The following DONSON variants were observed in gnomAD, a reference collection of about 807,000 sequenced individuals.
DONSON encodes DNA replication fork stabilization factor DONSON.
A neutral mutation model predicts 62.1 loss-of-function variants in DONSON; 43 were observed. The observed-to-expected ratio is 0.69, with a 90% CI of 0.54 to 0.89. The LOEUF is 0.89. DONSON is among the 40% of genes least tolerant of loss of function. The pLI is 0.00. For missense variants in DONSON, 696 were observed against 697.5 expected, an observed-to-expected ratio of 1.00 and a Z score of 0.03; for synonymous variants, 266 against 264.6, an observed-to-expected ratio of 1.01 and a Z score of -0.05.
Position 33,579,558 on chromosome 21 carries a change from C to A in DONSON, c.1355G>T (p.Arg452Leu). 1.2e-6 allele frequency: 2 copies of A among 1,609,820 alleles called. No homozygotes were observed. Among genetic ancestry groups the A allele is most frequent in the Non-Finnish European group, 8.5e-7 (1 of 1,177,344 alleles). The change falls in exon 9 of 10, where the codon CGG becomes CTG. Residue 452 changes from arginine to leucine, a missense_variant. Physicochemically the swap from Arg to Leu is moderately radical, Grantham distance 102 (BLOSUM62 -2). Coordinates refer to ENST00000303071, the MANE Select transcript of DONSON (RefSeq NM_017613.4). ...RGATMQMLKA[R>L]SVNVKTQALS... The stretch of plus-strand genomic sequence containing the variant: ...AGCTTGTGTCTTCACATTCACACTC[C>A]GTGCCTTCATGAAAATGTAAAGAAA...
intron 9 of DONSON, among the ~76,000 whole-genome samples, chr21:33,579,011 GC>G (rs1330108661): frequency 6.6e-6 from 1 of 152,066 alleles, no homozygotes; most frequent in East Asian, 1.9e-4. Flanking sequence ...GGTGGCACAT[GC>G]CTGTAATCTC....
chr21:33,582,339 T>C, intron 5 of DONSON, 93 bp from the exon 6 acceptor site: 1 of 1,002,460 alleles, frequency 1.0e-6, no homozygotes, highest in Non-Finnish European at 1.5e-6. Flanking sequence ...GAAATGTTAG[T>C]TTTTACAAAT....
chr21:33,585,007 C>T (rs1435463436), intron 3 of DONSON, among the ~76,000 whole-genome samples: 1 of 152,078 alleles, frequency 6.6e-6, no homozygotes, highest in African/African-American at 2.4e-5. Context: ...TTCTACCATC[C>T]TTAAGGACAA....
At position 33,578,260 on chromosome 21, in the gene DONSON, T is replaced by C. The variant is rs189986153; in HGVS notation, c.*47A>G. Reference sequence around the variant, plus strand: ...CTTCAAGAATCTTGAATTTCCTTGCTAGAAGGCTTTTTTCCTCAAAGATTC... The same window carrying C: ...CTTCAAGAATCTTGAATTTCCTTGCCAGAAGGCTTTTTTCCTCAAAGATTC... On this transcript the variant is annotated 3_prime_UTR_variant, in exon 10 of 10. Coordinates refer to ENST00000303071, the MANE Select transcript of DONSON (RefSeq NM_017613.4). 1.5e-3 allele frequency: 2,421 copies of C among 1,584,084 alleles called. 5 individuals carry two copies. Among genetic ancestry groups the C allele is most frequent in the Admixed American group, 2.3e-3 (128 of 56,346 alleles).
rs1388289814 is a variant in DONSON, at chr21:33,581,484, C to T, written c.1168G>A (p.Glu390Lys). The T allele has an allele frequency of 6.2e-7, 1 of 1,613,128 alleles. No individual in the cohort carries two copies. The highest frequency in any genetic ancestry group is 1.7e-5 in the Admixed American group (1 of 59,976). The stretch of plus-strand genomic sequence containing the variant: ...TCAGGTCTGTGATCCATTTGTACTT[C>T]ATGTTTCTCTTTACGCCTGAAGATG... Reference protein sequence around the residue: ...LSIKLRKEKHEVQMDHRPESV... With the variant: ...LSIKLRKEKHKVQMDHRPESV... The change falls in exon 8 of 10, where the codon GAA becomes AAA. Residue 390 changes from glutamate to lysine, a missense_variant. Coordinates refer to ENST00000303071, the MANE Select transcript of DONSON (RefSeq NM_017613.4).
chr21:33,585,933 C>T, intron 3 of DONSON, 45 bp downstream of exon 3: 1 of 1,586,988 alleles, frequency 6.3e-7, no homozygotes, highest in Non-Finnish European at 8.6e-7. Flanking sequence ...GCATTTCACA[C>T]TTAATTTGTT....
rs2086446486 is a variant in DONSON at position 33,577,680 on chromosome 21, CACACACACA to C, written c.*618_*626del. On this transcript the variant is annotated 3_prime_UTR_variant, in exon 10 of 10. Coordinates refer to ENST00000303071, the MANE Select transcript of DONSON (RefSeq NM_017613.4). ...ACACACACACACACACACACACACA[CACACACACA>C]CACACACACACACCCCTATAAGCAC... 6 of 104,900 alleles carry C rather than the reference CACACACACA, an allele frequency of 5.7e-5. No individual in the cohort carries two copies. Among genetic ancestry groups the C allele is most frequent in the African/African-American group, 1.7e-4 (4 of 23,346 alleles). The allele number at this position is 104,900 out of a possible 1,614,324, so 6.5% of individuals were successfully genotyped here. A position where few individuals can be genotyped will look rare whatever the true frequency, so the allele number is the denominator to read the frequency against.
chr21:33,587,861 G>A (rs2086596362), intron 1 of DONSON, among the ~76,000 whole-genome samples: 1 of 152,190 alleles, frequency 6.6e-6, no homozygotes, highest in Non-Finnish European at 1.5e-5. Flanking sequence ...AGTGAATTCT[G>A]ACCCCACGAA....
intron 9 of DONSON, 49 bp from the exon 10 acceptor site, chr21:33,578,493 C>CT (rs1416190380): frequency 1.9e-6 from 3 of 1,547,264 alleles, no homozygotes; most frequent in Non-Finnish European, 8.8e-7. Context: ...AGTCTTTAAA[C>CT]ACAGAAGAGT....
chr21:33,587,614 T>C lies in DONSON; in HGVS notation c.322-12A>G. On this transcript the variant is annotated splice_polypyrimidine_tract_variant and intron_variant, in intron 1 of 9. Coordinates refer to ENST00000303071, the MANE Select transcript of DONSON (RefSeq NM_017613.4). ...TTAGAATCTAAAAACTGAGGTTAAA[T>C]ATATTCTCCTTTAAAATTTAAAGGA... 1 of 1,546,902 alleles carries C rather than the reference T, an allele frequency of 6.5e-7. No individual in the cohort carries two copies. The highest frequency in any genetic ancestry group is 8.8e-7 in the Non-Finnish European group (1 of 1,139,466).
intron 9 of DONSON, 92 bp downstream of exon 9, chr21:33,579,258 A>G (rs1294475227): frequency 4.2e-6 from 4 of 942,748 alleles, no homozygotes; most frequent in Non-Finnish European, 4.6e-6. Flanking sequence ...TACTTGAAAC[A>G]CAATAGTGAC....
rs575784918 is a variant in DONSON, at chr21:33,584,507, G to A, written c.785+83C>T. The A allele has an allele frequency of 4.1e-5, 54 of 1,311,298 alleles. No individual in the cohort carries two copies. In the East Asian group the frequency reaches 5.1e-4, roughly 12 times the overall value. 81.2% of individuals were successfully genotyped at this position (1,311,298 alleles called of 1,614,324 possible). The stretch of plus-strand genomic sequence containing the variant: ...ATCTAGATACCCTTCTGCCATTAAC[G>A]TATCCAGTCACAAATATGATAGAGA... On this transcript the variant is annotated intron_variant, in intron 4 of 9. Coordinates refer to ENST00000303071, the MANE Select transcript of DONSON (RefSeq NM_017613.4).
At chr21:33,580,459 AC>A (rs1209315140) in intron 8 of DONSON, among the ~76,000 whole-genome samples, 1 of 99,890 alleles carries the variant, frequency 1.0e-5, no homozygotes, top group Non-Finnish European at 1.9e-5. Flanking sequence ...GTGAGATTCC[AC>A]CTCAAAAAAA....
rs752614295 is a variant in DONSON at position 33,578,297 on chromosome 21, A to G, written c.*10T>C. The G allele has an allele frequency of 1.9e-6, 3 of 1,610,470 alleles. No homozygotes were observed. Among genetic ancestry groups the G allele is most frequent in the South Asian group, 1.1e-5 (1 of 90,220 alleles). Reference sequence around the variant, plus strand: ...TTCCTCAAAGATTCCTTTTAGGCTTACTTTGGTGTTCAGGATCTCCAATTA... The same window carrying G: ...TTCCTCAAAGATTCCTTTTAGGCTTGCTTTGGTGTTCAGGATCTCCAATTA... On this transcript the variant is annotated 3_prime_UTR_variant, in exon 10 of 10. Coordinates refer to ENST00000303071, the MANE Select transcript of DONSON (RefSeq NM_017613.4).
At chr21:33,586,452 T>C (rs2086578638) in intron 2 of DONSON, among the ~76,000 whole-genome samples, 1 of 152,178 alleles carries the variant, frequency 6.6e-6, no homozygotes, top group South Asian at 2.1e-4. Context: ...CAGTTCTTTA[T>C]GGTAGTATAG....
At position 33,583,513 on chromosome 21, in the gene DONSON, A is replaced by G. The variant is rs765047518; in HGVS notation, c.939T>C (p.Gly313=). The G allele has an allele frequency of 1.2e-6, 2 of 1,613,828 alleles. No homozygotes were observed. Among genetic ancestry groups the G allele is most frequent in the East Asian group, 4.5e-5 (2 of 44,848 alleles). ...CTTCATTTCTCATAGCTTCTCTTAA[A>G]CCTCGAGTTGTTGGAGATATGAGAG... is the stretch of plus-strand genomic sequence containing the variant. ...ITALISPTTR[G]LREAMRNEGI... is the part of the protein sequence containing the mutation. Residue 313 remains glycine, a synonymous_variant, in exon 5 of 10, where the codon GGT becomes GGC. Transcript: ENST00000303071.
chr21:33,581,823 G>T, intron 7 of DONSON, 128 bp downstream of exon 7: 1 of 838,816 alleles, frequency 1.2e-6, no homozygotes, highest in Non-Finnish European at 1.9e-6. Flanking sequence ...GTATTACAAT[G>T]GAGAATTAGT....
chr21:33,587,700 C>T, intron 1 of DONSON, 98 bp from the exon 2 acceptor site: 1 of 738,722 alleles, frequency 1.4e-6, no homozygotes, highest in Non-Finnish European at 2.2e-6. Flanking sequence ...TCTCAATAAA[C>T]GCAAGTACAC....
Position 33,583,200 on chromosome 21 carries a change from C to CAAAAAAAAA in DONSON, c.964+279_964+287dup, listed in dbSNP as rs552034893. ...TGGGTGACAGAGCGAGTCTCCATCT[C>CAAAAAAAAA]AAAAAAAAAAAAAAAAAAAAAAAAA... On this transcript the variant is annotated intron_variant, in intron 5 of 9. Transcript: ENST00000303071. Among the ~76,000 whole-genome samples, 91 of 58,874 alleles carry CAAAAAAAAA rather than the reference C, an allele frequency of 1.5e-3. 2 individuals carry two copies. Among genetic ancestry groups the CAAAAAAAAA allele is most frequent in the African/African-American group, 3.4e-3 (37 of 11,010 alleles). 38.6% of individuals were successfully genotyped at this position (58,874 alleles called of 152,430 possible). A position where few individuals can be genotyped will look rare whatever the true frequency, so the allele number is the denominator to read the frequency against.
Sources: gnomAD v4.1 joint callset for allele counts (sites outside exome capture counted in the v4.1 genomes callset) on GRCh38, gnomAD v4.1.1 for gene constraint, MANE v1.5 for transcripts, NCBI Gene and HGNC (gene_info 2026-07-23, HGNC 2026-07-21) for gene names.